Variants in FABP6 observed in about 807,000 individuals in gnomAD.
FABP6 encodes the protein fatty acid binding protein 6, also known as gastrotropin.
Under a neutral mutation model 14.9 loss-of-function variants are expected in FABP6, and 13 were observed. That is an observed-to-expected ratio of 0.87 (90% CI 0.57 to 1.39). The LOEUF (loss-of-function observed/expected upper bound fraction) is 1.39. FABP6 is among the 40% of genes most tolerant of loss of function. The pLI is 0.00. For synonymous variants in FABP6, 75 were observed against 63.6 expected (o/e 1.18, Z -0.85); for missense variants, 161 against 167.2 (o/e 0.96, Z 0.20).
chr5:160,193,614 C>G (rs144314959), intron 1 of FABP6, among the ~76,000 whole-genome samples: 9 of 152,168 alleles, frequency 5.9e-5, no homozygotes, highest in South Asian at 2.1e-4. Context: ...TAGTTAGATA[C>G]AGAGTATCCA....
chr5:160,228,339 C>T (rs578138822), upstream of FABP6: 212 of 437,636 alleles, frequency 4.8e-4, 2 homozygotes, highest in South Asian at 3.2e-3. Flanking sequence ...TGCAGTGAGC[C>T]GAGATCACAC....
intron 3 of FABP6, 72 bp from the exon 4 acceptor site, chr5:160,238,534 T>A: frequency 7.4e-7 from 1 of 1,359,898 alleles, no homozygotes; most frequent in Non-Finnish European, 1.1e-6. Flanking sequence ...GAGACTCATC[T>A]TCCTTCAGCG....
In FABP6 at chr5:160,234,390, T is replaced by G. The variant is rs1175271955; in HGVS notation, c.244-430T>G. On this transcript the variant is annotated intron_variant, in intron 2 of 3. Coordinates refer to ENST00000402432, the MANE Select transcript of FABP6 (RefSeq NM_001445.3). ...CTCTAAGAAATCTGACTTTTTTTTT[T>G]TTTTTTTTTTTTACCTACAACTGTC... 4.1e-4 allele frequency among the ~76,000 whole-genome samples: 62 copies of G among 151,186 alleles called. 1 individual carries two copies. In the East Asian group the frequency reaches 0.011, roughly 27 times the overall value.
At chr5:160,224,104 T>C (rs947032516) in intron 3 of FABP6, among the ~76,000 whole-genome samples, 1 of 151,718 alleles carries the variant, frequency 6.6e-6, no homozygotes, top group Admixed American at 6.6e-5. Context: ...GGCGTGGTGG[T>C]GGGCGCCTGT....
intron 2 of FABP6, among the ~76,000 whole-genome samples, chr5:160,208,053 T>G (rs1432802518): frequency 6.6e-6 from 1 of 152,142 alleles, no homozygotes; most frequent in Non-Finnish European, 1.5e-5. Context: ...TTTTCTGCAT[T>G]TTTTCTCAAT....
At chr5:160,194,440 G>A (rs1462201005) in intron 1 of FABP6, among the ~76,000 whole-genome samples, 1 of 152,208 alleles carries the variant, frequency 6.6e-6, no homozygotes, top group Non-Finnish European at 1.5e-5. Flanking sequence ...AGCGAGGGCT[G>A]TGAGGACTGC....
intron 1 of FABP6, among the ~76,000 whole-genome samples, chr5:160,230,433 T>C (rs1760353348): frequency 6.6e-6 from 1 of 152,188 alleles, no homozygotes; most frequent in Non-Finnish European, 1.5e-5. Flanking sequence ...TGATCTCAGC[T>C]CACTGCAACC....
chr5:160,191,893 G>T (rs1759402055), intron 1 of FABP6, among the ~76,000 whole-genome samples: 1 of 151,508 alleles, frequency 6.6e-6, no homozygotes, highest in African/African-American at 2.4e-5. Flanking sequence ...AGAATGGCAT[G>T]AATCCAGGAG....
intron 1 of FABP6, among the ~76,000 whole-genome samples, chr5:160,231,465 C>T (rs1760380372): frequency 1.3e-5 from 2 of 152,236 alleles, no homozygotes; most frequent in African/African-American, 2.4e-5. Context: ...GCGATCCCAG[C>T]TCACTGCAAC....
intron 1 of FABP6, among the ~76,000 whole-genome samples, chr5:160,195,539 A>T (rs1549202): frequency 1.3e-5 from 2 of 151,942 alleles, no homozygotes; most frequent in Non-Finnish European, 2.9e-5. Flanking sequence ...CTGCAGCCAC[A>T]GCTTCCCAGG....
intron 1 of FABP6, among the ~76,000 whole-genome samples, chr5:160,190,294 G>C (rs781119541): frequency 6.7e-6 from 1 of 150,344 alleles, no homozygotes; most frequent in Non-Finnish European, 1.5e-5. Context: ...ATGCAATGGT[G>C]AGATCTCGGC....
intron 1 of FABP6, among the ~76,000 whole-genome samples, chr5:160,194,596 C>T (rs1260702508): frequency 6.6e-6 from 1 of 151,782 alleles, no homozygotes; most frequent in Admixed American, 6.6e-5. Flanking sequence ...GAAAGAAATC[C>T]CCTTTCTGAG....
chr5:160,216,220 C>A (rs934468872), intron 3 of FABP6, among the ~76,000 whole-genome samples: 4 of 151,828 alleles, frequency 2.6e-5, no homozygotes, highest in African/African-American at 4.8e-5. Context: ...CTAGTAAGTA[C>A]TTATTGAGTG....
At chr5:160,213,937 G>A in intron 3 of FABP6, 1 of 823,452 alleles carries the variant, frequency 1.2e-6, no homozygotes, top group African/African-American at 1.7e-5. Flanking sequence ...CTTCTGCATT[G>A]TTAGAATATT....
At chr5:160,213,830 G>C (rs762244686) in intron 3 of FABP6, 1 of 1,609,444 alleles carries the variant, frequency 6.2e-7, no homozygotes, top group South Asian at 1.1e-5. Context: ...GTATGGGGTA[G>C]AAGAAGGGAG....
chr5:160,227,489 G>A (rs541184917), upstream of FABP6, among the ~76,000 whole-genome samples: 27 of 143,124 alleles, frequency 1.9e-4, 1 homozygote, highest in African/African-American at 6.7e-4. Flanking sequence ...TTGTACCACT[G>A]CACTTTGGCC....
chr5:160,188,188 T>C (rs879356411), intron 1 of FABP6, among the ~76,000 whole-genome samples: 1 of 151,728 alleles, frequency 6.6e-6, no homozygotes, highest in Admixed American at 6.6e-5. Flanking sequence ...GAAGCCCTGG[T>C]GGAATGGGGT....
intron 2 of FABP6, among the ~76,000 whole-genome samples, chr5:160,200,293 G>GAC (rs147363140): frequency 0.066 from 9,993 of 152,206 alleles, 606 homozygotes; most frequent in East Asian, 0.36. Flanking sequence ...AGAGGTGGCA[G>GAC]ACCTAGGCCC....
chr5:160,202,135 C>T (rs980217579), intron 2 of FABP6, among the ~76,000 whole-genome samples: 1 of 41,582 alleles, frequency 2.4e-5, no homozygotes, highest in Non-Finnish European at 8.1e-5. Flanking sequence ...GGGATTTAGG[C>T]AGACTCTACT....
Sources: gnomAD v4.1 joint callset for allele counts (sites outside exome capture counted in the v4.1 genomes callset) on GRCh38, gnomAD v4.1.1 for gene constraint, MANE v1.5 for transcripts, NCBI Gene and HGNC (gene_info 2026-07-23, HGNC 2026-07-21) for gene names.